LRRC37A: variants seen among roughly 807,000 people sequenced by gnomAD.
The protein encoded by LRRC37A is leucine rich repeat containing 37A.
In LRRC37A, 3 loss-of-function variants were observed where a neutral mutation model predicts 35.4. That is an observed-to-expected ratio of 0.08 (90% CI 0.04 to 0.22). The LOEUF (loss-of-function observed/expected upper bound fraction) is 0.22. Ranked by LOEUF, LRRC37A falls within the 10% of genes least tolerant of loss-of-function variation. The pLI is 1.00. For missense variants in LRRC37A, 67 were observed against 565.3 expected, an observed-to-expected ratio of 0.12 and a Z score of 8.94; for synonymous variants, 23 against 215.0, an observed-to-expected ratio of 0.11 and a Z score of 7.81.
chr17:46,251,232 C>T, the LRRC37A span, among the ~76,000 whole-genome samples: 1 of 151,988 alleles, frequency 6.6e-6, no homozygotes, highest in South Asian at 2.1e-4. Context: ...AATATCTGGG[C>T]AGAGGTCAAG....
At chr17:46,257,048 A>G in the LRRC37A span, among the ~76,000 whole-genome samples, 2 of 152,230 alleles carry the variant, frequency 1.3e-5, no homozygotes, top group Non-Finnish European at 2.9e-5. Flanking sequence ...TCCTGTAATT[A>G]TTAGCTGTAT....
chr17:46,261,558 C>T, the LRRC37A span, among the ~76,000 whole-genome samples: 5 of 138,450 alleles, frequency 3.6e-5, no homozygotes, highest in East Asian at 1.9e-4. Context: ...ATTACAGGCA[C>T]GCACCACCAC....
chr17:46,275,409 G>T, the LRRC37A span: 3 of 984,448 alleles, frequency 3.0e-6, no homozygotes, highest in Admixed American at 6.0e-5. Flanking sequence ...GCAGTTTGTT[G>T]TTGTGAGACC....
At chr17:46,260,784 T>C in the LRRC37A span, among the ~76,000 whole-genome samples, 32 of 152,078 alleles carry the variant, frequency 2.1e-4, no homozygotes, top group African/African-American at 7.5e-4. Context: ...CCACCATGCC[T>C]GGCTAATTTT....
the LRRC37A span, among the ~76,000 whole-genome samples, chr17:46,275,583 A>C: frequency 6.6e-6 from 1 of 152,270 alleles, no homozygotes; most frequent in African/African-American, 2.4e-5. Context: ...AACCTATAAT[A>C]ATAAAACTTT....
the LRRC37A span, among the ~76,000 whole-genome samples, chr17:46,273,091 G>A: frequency 6.6e-6 from 1 of 152,142 alleles, no homozygotes; most frequent in East Asian, 1.9e-4. Context: ...CCTACAGGTA[G>A]GAAAGTTCTT....
the LRRC37A span, among the ~76,000 whole-genome samples, chr17:46,261,715 A>G: frequency 6.6e-6 from 1 of 151,240 alleles, no homozygotes; most frequent in South Asian, 2.1e-4. Flanking sequence ...GCCTGGCTAT[A>G]TTTGTAATAT....
the LRRC37A span, among the ~76,000 whole-genome samples, chr17:46,261,870 TA>T: frequency 2.6e-5 from 4 of 152,212 alleles, no homozygotes; most frequent in East Asian, 5.8e-4. Context: ...TGTTTAATAA[TA>T]AAAGTAAAAA....
the LRRC37A span, among the ~76,000 whole-genome samples, chr17:46,265,357 CCTTCTCCTT>C: frequency 2.2e-4 from 31 of 140,594 alleles, no homozygotes; most frequent in Non-Finnish European, 3.1e-4. Context: ...TTCTTCTCCT[CCTTCTCCTT>C]CTTCTCCTTC....
the LRRC37A span, among the ~76,000 whole-genome samples, chr17:46,279,466 G>A: frequency 6.6e-6 from 1 of 150,468 alleles, no homozygotes; most frequent in Non-Finnish European, 1.5e-5. Context: ...TTACAGGCAT[G>A]AGCCACCGCA....
chr17:46,281,929 C>T, the LRRC37A span, among the ~76,000 whole-genome samples: 5 of 152,114 alleles, frequency 3.3e-5, 1 homozygote, highest in Non-Finnish European at 5.9e-5. Context: ...CAGGCATGAG[C>T]CATCACGCCT....
At chr17:46,284,224 A>T in the LRRC37A span, among the ~76,000 whole-genome samples, 1 of 152,260 alleles carries the variant, frequency 6.6e-6, no homozygotes, top group East Asian at 1.9e-4. Context: ...ATTTCAGACT[A>T]TCACATGGGG....
In LRRC37A at chr17:46,312,710, C is replaced by A. The variant is rs1311483520; in HGVS notation, c.2906+6401C>A. On this transcript the variant is annotated intron_variant, in intron 5 of 13. Coordinates refer to ENST00000320254, the Ensembl canonical transcript of LRRC37A. ...GCCCACCAGTGGTCTTACAAGTTTTCATGCCAAAAAAAAATCACGAAGGAT... is the reference window on the plus strand; with the variant it reads ...GCCCACCAGTGGTCTTACAAGTTTTAATGCCAAAAAAAAATCACGAAGGAT... Among the ~76,000 whole-genome samples the A allele has an allele frequency of 4.1e-5, 3 of 72,702 alleles. 1 individual carries two copies. Among genetic ancestry groups the A allele is most frequent in the African/African-American group, 1.7e-4 (3 of 17,888 alleles). The allele number at this position is 72,702 out of a possible 152,430, so 47.7% of individuals were successfully genotyped here. A position where few individuals can be genotyped will look rare whatever the true frequency, so the allele number is the denominator to read the frequency against.
At chr17:46,253,272 C>T in the LRRC37A span, among the ~76,000 whole-genome samples, 9 of 150,386 alleles carry the variant, frequency 6.0e-5, no homozygotes, top group African/African-American at 1.2e-4. Flanking sequence ...GATGGGATGG[C>T]GGCCGGGCAG....
chr17:46,274,875 TTTTTTC>T, the LRRC37A span: 1 of 152,664 alleles, frequency 6.6e-6, no homozygotes, highest in Non-Finnish European at 1.5e-5. Context: ...TTGACTTTTC[TTTTTTC>T]TTTTTCTTTT....
At chr17:46,324,763 C>T (rs2143980923) in intron 7 of LRRC37A, among the ~76,000 whole-genome samples, 1 of 74,756 alleles carries the variant, frequency 1.3e-5, no homozygotes, top group African/African-American at 3.4e-5. Flanking sequence ...TCACTTGAAC[C>T]CAGGAAGTGG....
chr17:46,291,350 A>G (rs2050061119), upstream of LRRC37A, among the ~76,000 whole-genome samples: 1 of 152,192 alleles, frequency 6.6e-6, no homozygotes, highest in Non-Finnish European at 1.5e-5. Context: ...AACAATCTCA[A>G]TGGAACAGAC....
At chr17:46,283,312 A>G in the LRRC37A span, among the ~76,000 whole-genome samples, 1 of 152,232 alleles carries the variant, frequency 6.6e-6, no homozygotes, top group East Asian at 1.9e-4. Context: ...ATGTGTACCC[A>G]CAGGTTCCTT....
chr17:46,271,243 G>A, the LRRC37A span, among the ~76,000 whole-genome samples: 110 of 146,118 alleles, frequency 7.5e-4, no homozygotes, highest in South Asian at 0.023. Context: ...TCAGCTCACC[G>A]CAACCTCTCC....
Sources: gnomAD v4.1 joint callset for allele counts (sites outside exome capture counted in the v4.1 genomes callset) on GRCh38, gnomAD v4.1.1 for gene constraint, MANE v1.5 for transcripts, NCBI Gene and HGNC (gene_info 2026-07-23, HGNC 2026-07-21) for gene names.